The following IL18R1 variants were observed in gnomAD, a reference collection of about 807,000 sequenced individuals.
IL18R1 encodes the protein interleukin-18 receptor 1.
A neutral mutation model predicts 48.5 loss-of-function variants in IL18R1; 40 were observed. The observed-to-expected ratio is 0.82, with a 90% CI of 0.64 to 1.07. The LOEUF (loss-of-function observed/expected upper bound fraction) is 1.07, where lower values mean the gene tolerates loss of function less well. Ranked by LOEUF, IL18R1 falls within the 50% of genes least tolerant of loss-of-function variation. The pLI is 0.00. For missense variants in IL18R1, 596 were observed against 633.7 expected (o/e 0.94, Z 0.64); for synonymous variants, 232 against 225.9 (o/e 1.03, Z -0.24).
At chr2:102,381,987 T>G (rs906348859) in intron 6 of IL18R1, among the ~76,000 whole-genome samples, 7 of 152,108 alleles carry the variant, frequency 4.6e-5, no homozygotes, top group African/African-American at 1.7e-4. Flanking sequence ...AATATGAAAA[T>G]TTAGGCCGGG....
intron 8 of IL18R1, among the ~76,000 whole-genome samples, chr2:102,387,379 T>C (rs145962699): frequency 1.1e-4 from 17 of 152,218 alleles, no homozygotes; most frequent in Admixed American, 7.8e-4. Flanking sequence ...AGTGCAAACT[T>C]GGTGTGACTG....
chr2:102,389,976 A>C, intron 8 of IL18R1, 80 bp from the exon 9 acceptor site: 3 of 1,428,848 alleles, frequency 2.1e-6, no homozygotes, highest in Admixed American at 1.9e-5. Flanking sequence ...TAGCAGTAAA[A>C]ATGGACAAGC....
chr2:102,378,579 A>G (rs912931198), intron 5 of IL18R1, among the ~76,000 whole-genome samples: 3 of 152,152 alleles, frequency 2.0e-5, no homozygotes, highest in African/African-American at 4.8e-5. Flanking sequence ...TCATGCCCCC[A>G]TGGCCTCTTG....
At chr2:102,389,208 A>G (rs1325632945) in intron 8 of IL18R1, among the ~76,000 whole-genome samples, 1 of 152,198 alleles carries the variant, frequency 6.6e-6, no homozygotes. Context: ...TGAAATGCTC[A>G]TAATATAATA....
At chr2:102,384,485 T>G (rs1416649321) in intron 6 of IL18R1, among the ~76,000 whole-genome samples, 1 of 152,222 alleles carries the variant, frequency 6.6e-6, no homozygotes, top group Non-Finnish European at 1.5e-5. Context: ...GTTCAAAAAT[T>G]TCTCTTTATT....
Position 102,375,921 on chromosome 2 carries a change from A to G in IL18R1, c.483A>G (p.Leu161=). 6.3e-7 allele frequency: 1 copy of G among 1,583,774 alleles called. No individual in the cohort carries two copies. Among genetic ancestry groups the G allele is most frequent in the Non-Finnish European group, 8.5e-7 (1 of 1,170,274 alleles). ...ATTAAAAACAGAACTGTAAAAAGCTACTACTGGAGAACAATAAAAACCCAA... is the reference window on the plus strand; with the variant it reads ...ATTAAAAACAGAACTGTAAAAAGCTGCTACTGGAGAACAATAAAAACCCAA... ...STSLYKNCKK[L]LLENNKNPTI... The change falls in exon 5 of 11, where the codon CTA becomes CTG. Residue 161 remains leucine (L), a synonymous_variant. Coordinates refer to ENST00000233957, the MANE Select transcript of IL18R1 (RefSeq NM_003855.5).
chr2:102,364,962 C>T (rs1207264957), intron 2 of IL18R1, among the ~76,000 whole-genome samples: 2 of 152,158 alleles, frequency 1.3e-5, no homozygotes, highest in African/African-American at 2.4e-5. Flanking sequence ...AATTACCTTC[C>T]ACCAGGTCCC....
chr2:102,375,665 A>G (rs914957739), intron 4 of IL18R1, among the ~76,000 whole-genome samples: 3 of 152,202 alleles, frequency 2.0e-5, no homozygotes, highest in Non-Finnish European at 4.4e-5. Context: ...TACAGTGCTC[A>G]TATTGCCCCA....
intron 7 of IL18R1, among the ~76,000 whole-genome samples, chr2:102,386,104 GA>G: frequency 6.6e-6 from 1 of 152,186 alleles, no homozygotes; most frequent in African/African-American, 2.4e-5. Context: ...GAGGCAGTTG[GA>G]GGCTACAGTG....
rs868564603 is a variant in IL18R1, at chr2:102,390,190, T to A, written c.1084T>A (p.Leu362Ile). The A allele has an allele frequency of 5.6e-6, 9 of 1,614,082 alleles. No individual in the cohort carries two copies. In the Middle Eastern group the frequency reaches 1.5e-3, roughly 266 times the overall value. Residue 362 changes from leucine (L) to isoleucine (I), a missense_variant, in exon 9 of 11, where the codon TTA becomes ATA. Physicochemically the swap from Leu to Ile is conservative, Grantham distance 5. Transcript: ENST00000233957. Reference sequence around the variant, plus strand: ...TGACTTGGTTCTATTTTATAGACATTTAACGAGAAGAGATGAAACATTAAC... The same window carrying A: ...TGACTTGGTTCTATTTTATAGACATATAACGAGAAGAGATGAAACATTAAC... ...RVDLVLFYRH[L>I]TRRDETLTDG...
At chr2:102,368,093 T>G in intron 3 of IL18R1, 25 bp downstream of exon 3, 2 of 1,612,418 alleles carry the variant, frequency 1.2e-6, no homozygotes, top group Non-Finnish European at 8.5e-7. Flanking sequence ...CTTTTCAAAA[T>G]GTATTTCACA....
intron 4 of IL18R1, chr2:102,373,918 T>G (rs1679418935): frequency 2.3e-6 from 1 of 435,388 alleles, no homozygotes. Flanking sequence ...GATCTGTCAC[T>G]GTCTCCCATC....
chr2:102,370,105 G>A (rs1679165672), intron 3 of IL18R1, among the ~76,000 whole-genome samples: 1 of 152,180 alleles, frequency 6.6e-6, no homozygotes, highest in African/African-American at 2.4e-5. Flanking sequence ...GGCTGGGCCT[G>A]CAGCAGGAAA....
In IL18R1 at chr2:102,356,343, C is replaced by A; in HGVS notation, c.-86C>A. The A allele has an allele frequency of 1.0e-6, 1 of 985,246 alleles. No individual in the cohort carries two copies. Among genetic ancestry groups the A allele is most frequent in the Non-Finnish European group, 1.2e-6 (1 of 829,898 alleles). The allele number at this position is 985,246 out of a possible 1,614,324, so 61.0% of individuals were successfully genotyped here. A position where few individuals can be genotyped will look rare whatever the true frequency, so the allele number is the denominator to read the frequency against. ...CTGAACTTGGCCTCCGCAGTCGCGA[C>A]CTGGCGTGAAGGAGGAGCTGCCGCC... On this transcript the variant is annotated 5_prime_UTR_variant, in exon 1 of 11. Transcript: ENST00000233957.
At chr2:102,387,935 CACAGAG>C (rs1371834109) in intron 8 of IL18R1, among the ~76,000 whole-genome samples, 2 of 151,558 alleles carry the variant, frequency 1.3e-5, no homozygotes, top group African/African-American at 4.9e-5. Flanking sequence ...CAGGGAGAGA[CACAGAG>C]ACAGAGGAAC....
At chr2:102,369,040 A>G (rs528932174) in intron 3 of IL18R1, among the ~76,000 whole-genome samples, 2 of 152,152 alleles carry the variant, frequency 1.3e-5, no homozygotes, top group Admixed American at 6.5e-5. Context: ...AAATTAAATA[A>G]CTCTTTTGAT....
chr2:102,397,093 G>A lies in IL18R1; in HGVS notation c.*207G>A. Reference sequence around the variant, plus strand: ...GTGGTCACGTGCTCCCAGAAGACCTGGAATTCAAAAGAAATGGAGCTATTC... The same window carrying A: ...GTGGTCACGTGCTCCCAGAAGACCTAGAATTCAAAAGAAATGGAGCTATTC... On this transcript the variant is annotated 3_prime_UTR_variant, in exon 11 of 11. Transcript: ENST00000233957. The A allele has an allele frequency of 2.1e-6, 1 of 481,010 alleles. No homozygotes were observed. Among genetic ancestry groups the A allele is most frequent in the South Asian group, 4.2e-5 (1 of 23,834 alleles). The allele number at this position is 481,010 out of a possible 1,614,324, so 29.8% of individuals were successfully genotyped here. A position where few individuals can be genotyped will look rare whatever the true frequency, so the allele number is the denominator to read the frequency against.
At chr2:102,372,168 A>C in intron 4 of IL18R1, 50 bp downstream of exon 4, 1 of 1,451,738 alleles carries the variant, frequency 6.9e-7, no homozygotes. Context: ...AAAAGATAAA[A>C]TTCCCAAATG....
At chr2:102,360,610 T>C (rs1432777258) in intron 1 of IL18R1, among the ~76,000 whole-genome samples, 1 of 152,222 alleles carries the variant, frequency 6.6e-6, no homozygotes, top group Non-Finnish European at 1.5e-5. Flanking sequence ...CAAGAAAACA[T>C]GTTAAAATAT....
Sources: allele counts gnomAD v4.1 joint callset (sites outside exome capture counted in the v4.1 genomes callset), GRCh38; gene constraint gnomAD v4.1.1; transcripts MANE v1.5; gene names NCBI Gene and HGNC (gene_info 2026-07-23, HGNC 2026-07-21).